The following MIPOL1 variants were observed in gnomAD, a reference collection of about 807,000 sequenced individuals.
The protein encoded by MIPOL1 is mirror-image polydactyly gene 1 protein.
Under a neutral mutation model 60.9 loss-of-function variants are expected in MIPOL1, and 57 were observed. The observed-to-expected ratio is 0.94, with a 90% CI of 0.76 to 1.17. The LOEUF (loss-of-function observed/expected upper bound fraction) is 1.17. MIPOL1 is among the 50% of genes most tolerant of loss of function. The pLI, the probability that MIPOL1 is intolerant of heterozygous loss-of-function variation, is 0.00. For missense variants in MIPOL1, 551 were observed against 511.6 expected (o/e 1.08, Z -0.74); for synonymous variants, 179 against 168.8 (o/e 1.06, Z -0.47).
intron 6 of MIPOL1, among the ~76,000 whole-genome samples, chr14:37,271,691 A>G (rs1421604973): frequency 6.6e-6 from 1 of 151,824 alleles, no homozygotes; most frequent in Non-Finnish European, 1.5e-5. Flanking sequence ...TAAATTTTGA[A>G]CAATTTGGCA....
chr14:37,313,494 G>T (rs557315644), intron 9 of MIPOL1, among the ~76,000 whole-genome samples: 4 of 152,188 alleles, frequency 2.6e-5, no homozygotes, highest in Non-Finnish European at 5.9e-5. Flanking sequence ...GACCCTTGCT[G>T]GTACCTAAGT....
chr14:37,400,613 C>T (rs559825532), intron 10 of MIPOL1: 7 of 152,144 alleles, frequency 4.6e-5, no homozygotes, highest in South Asian at 4.1e-4. Context: ...AAAACAAATA[C>T]AATTTTTAAA....
At chr14:37,479,827 A>G (rs565801437) in intron 11 of MIPOL1, among the ~76,000 whole-genome samples, 123 of 152,240 alleles carry the variant, frequency 8.1e-4, no homozygotes, top group Admixed American at 1.6e-3. Context: ...AGACTCAAAT[A>G]ATTAAAAATC....
At chr14:37,429,623 A>C (rs1214018335) in intron 11 of MIPOL1, among the ~76,000 whole-genome samples, 2 of 152,150 alleles carry the variant, frequency 1.3e-5, no homozygotes, top group Non-Finnish European at 2.9e-5. Flanking sequence ...CTGGGTTTGT[A>C]GTATACATTT....
At position 37,364,104 on chromosome 14, in the gene MIPOL1, G is replaced by A. The variant is rs564888597; in HGVS notation, c.829-5413G>A. Among the ~76,000 whole-genome samples, 10 of 152,326 alleles carry A rather than the reference G, an allele frequency of 6.6e-5. No homozygotes were observed. In the South Asian group the frequency reaches 1.9e-3, roughly 28 times the overall value. On this transcript the variant is annotated intron_variant, in intron 9 of 12. Coordinates refer to ENST00000684589, the MANE Select transcript of MIPOL1 (RefSeq NM_001388067.1). ...CCTTGCGCTTCCTGGGTGAGGTGAC[G>A]CCCTGCCCTGCTTTGGCTTACCCAC...
intron 10 of MIPOL1, among the ~76,000 whole-genome samples, chr14:37,399,005 A>AT (rs2153528098): frequency 6.6e-6 from 1 of 152,336 alleles, no homozygotes; most frequent in African/African-American, 2.4e-5. Flanking sequence ...TTGTTGCCAT[A>AT]TTTTGACACA....
intron 4 of MIPOL1, among the ~76,000 whole-genome samples, chr14:37,268,300 G>C (rs2083031124): frequency 6.6e-6 from 1 of 152,108 alleles, no homozygotes; most frequent in Admixed American, 6.6e-5. Flanking sequence ...TTGAGGAGTA[G>C]AAGCACAGAA....
chr14:37,544,560 C>T (rs1025692665), intron 12 of MIPOL1, among the ~76,000 whole-genome samples: 6 of 152,184 alleles, frequency 3.9e-5, no homozygotes, highest in Non-Finnish European at 8.8e-5. Context: ...TAAGAATAGC[C>T]TGCAGGCAAA....
intron 11 of MIPOL1, among the ~76,000 whole-genome samples, chr14:37,482,745 GA>G (rs1408103006): frequency 6.6e-6 from 1 of 152,150 alleles, no homozygotes; most frequent in Non-Finnish European, 1.5e-5. Flanking sequence ...TTTGGGTGGG[GA>G]CACAAAGCCT....
At chr14:37,509,728 CAT>C (rs1051154811) in intron 12 of MIPOL1, among the ~76,000 whole-genome samples, 26 of 150,914 alleles carry the variant, frequency 1.7e-4, no homozygotes, top group Non-Finnish European at 1.9e-4. Context: ...CGTTTATACA[CAT>C]GTGTATCACA....
intron 9 of MIPOL1, among the ~76,000 whole-genome samples, chr14:37,362,765 C>T (rs1254806302): frequency 6.6e-6 from 1 of 152,158 alleles, no homozygotes; most frequent in East Asian, 1.9e-4. Context: ...TAGATTTGGT[C>T]TTTTCACATG....
intron 11 of MIPOL1, among the ~76,000 whole-genome samples, chr14:37,493,455 A>C (rs1490558336): frequency 6.6e-6 from 1 of 152,128 alleles, no homozygotes; most frequent in East Asian, 1.9e-4. Context: ...ACCAAGACAG[A>C]AACCACTTCA....
intron 12 of MIPOL1, among the ~76,000 whole-genome samples, chr14:37,513,119 C>G (rs1449404694): frequency 6.6e-6 from 1 of 152,010 alleles, no homozygotes; most frequent in Non-Finnish European, 1.5e-5. Context: ...TATACAACAT[C>G]TAAACATGCT....
intron 1 of MIPOL1, among the ~76,000 whole-genome samples, chr14:37,232,001 G>A (rs1970710601): frequency 6.6e-6 from 1 of 152,116 alleles, no homozygotes; most frequent in Non-Finnish European, 1.5e-5. Context: ...AGGATCACTT[G>A]AGCCCAGGAA....
intron 1 of MIPOL1, among the ~76,000 whole-genome samples, chr14:37,244,104 CTTTTTTTTTT>C (rs143933758): frequency 4.5e-4 from 23 of 51,600 alleles, no homozygotes; most frequent in Admixed American, 8.1e-4. Context: ...GACTCACTTC[CTTTTTTTTTT>C]TTTTTTTTTT....
chr14:37,248,014 G>A lies in MIPOL1; in HGVS notation c.19+107G>A, dbSNP rs1220052676. 3 of 1,057,202 alleles carry A rather than the reference G, an allele frequency of 2.8e-6. No individual in the cohort carries two copies. In the East Asian group the frequency reaches 7.5e-5, roughly 26 times the overall value. The allele number at this position is 1,057,202 out of a possible 1,614,324, so 65.5% of individuals were successfully genotyped here. A position where few individuals can be genotyped will look rare whatever the true frequency, so the allele number is the denominator to read the frequency against. ...CAATATATTAGACAGAGGTAGACAA[G>A]TGCGCACACACACACACAAAACATG... On this transcript the variant is annotated intron_variant, in intron 3 of 12. Transcript: ENST00000684589.
chr14:37,338,224 A>G (rs2090324255), intron 9 of MIPOL1, among the ~76,000 whole-genome samples: 1 of 150,278 alleles, frequency 6.7e-6, no homozygotes. Flanking sequence ...CTCCTGCCTC[A>G]GCCTCCTGAG....
At position 37,303,677 on chromosome 14, in the gene MIPOL1, C is replaced by T. The variant is rs190991930; in HGVS notation, c.624-4379C>T. 3.2e-4 allele frequency among the ~76,000 whole-genome samples: 48 copies of T among 151,858 alleles called. No individual in the cohort carries two copies. In the East Asian group the frequency reaches 6.4e-3, roughly 20 times the overall value. Reference sequence around the variant, plus strand: ...GGGAATGGGAGAAAAGGAATGCATTCAATTCTCAGGCTTTTCTTTTTAATT... The same window carrying T: ...GGGAATGGGAGAAAAGGAATGCATTTAATTCTCAGGCTTTTCTTTTTAATT... On this transcript the variant is annotated intron_variant, in intron 7 of 12. Transcript: ENST00000684589.
At chr14:37,451,283 T>C (rs142611694) in intron 11 of MIPOL1, among the ~76,000 whole-genome samples, 111 of 152,322 alleles carry the variant, frequency 7.3e-4, no homozygotes, top group African/African-American at 2.5e-3. Flanking sequence ...TGCACATTGA[T>C]GTAGGTGCTC....
Sources: allele counts gnomAD v4.1 joint callset (sites outside exome capture counted in the v4.1 genomes callset), GRCh38; gene constraint gnomAD v4.1.1; transcripts MANE v1.5; gene names NCBI Gene and HGNC (gene_info 2026-07-23, HGNC 2026-07-21).